OXTR: variants seen among roughly 807,000 people sequenced by gnomAD.
OXTR encodes oxytocin receptor.
In OXTR, 19 loss-of-function variants were observed where a neutral mutation model predicts 23.9. The observed-to-expected ratio is 0.80, with a 90% CI of 0.56 to 1.17. The LOEUF (loss-of-function observed/expected upper bound fraction) is 1.17. Ranked by LOEUF, OXTR falls within the 50% of genes most tolerant of loss-of-function variation. OXTR has a pLI of 0.00. For missense variants in OXTR, 500 were observed against 550.7 expected (o/e 0.91, Z 0.92); for synonymous variants, 278 against 250.5 (o/e 1.11, Z -1.04).
rs35783701 is a variant in OXTR at position 8,752,240 on chromosome 3, CGTGTGTGTGT to C, written c.*727_*736del. 2 of 147,660 alleles carry C rather than the reference CGTGTGTGTGT, an allele frequency of 1.4e-5. No individual in the cohort carries two copies. The highest frequency in any genetic ancestry group is 5.0e-5 in the African/African-American group (2 of 40,338). The allele number at this position is 147,660 out of a possible 1,614,324, so 9.1% of individuals were successfully genotyped here. A position where few individuals can be genotyped will look rare whatever the true frequency, so the allele number is the denominator to read the frequency against. On this transcript the variant is annotated 3_prime_UTR_variant, in exon 4 of 4. Coordinates refer to ENST00000316793, the MANE Select transcript of OXTR (RefSeq NM_000916.4). ...GCTTATTAGTTCTAATAGCTGTGTG[CGTGTGTGTGT>C]GTGTGTGTGTGTGTGAGTTCCTTAG...
At chr3:8,750,322 A>G (rs973449555), downstream of OXTR, 4 of 152,244 alleles carry the variant, frequency 2.6e-5, no homozygotes, top group Admixed American at 6.5e-5. Context: ...TGAGCCACAT[A>G]GAGAAACAAA....
Position 8,767,534 on chromosome 3 carries a change from G to A in OXTR, c.654C>T (p.Ala218=), listed in dbSNP as rs148325772. ...VYIVPVIVLA[A]CYGLISFKIW... The stretch of plus-strand genomic sequence containing the variant: ...TCTTGAAGCTGATAAGGCCGTAGCA[G>A]GCAGCGAGCACGATGACCGGCACGA... Residue 218 remains alanine, a synonymous_variant, in exon 3 of 4, where the codon GCC becomes GCT. Coordinates refer to ENST00000316793, the MANE Select transcript of OXTR (RefSeq NM_000916.4). 2.5e-6 allele frequency: 4 copies of A among 1,613,100 alleles called. No homozygotes were observed. Among genetic ancestry groups the A allele is most frequent in the African/African-American group, 2.7e-5 (2 of 74,912 alleles).
At chr3:8,756,959 C>A (rs1197120372) in intron 3 of OXTR, among the ~76,000 whole-genome samples, 1 of 152,188 alleles carries the variant, frequency 6.6e-6, no homozygotes. Flanking sequence ...TGCTATGCAG[C>A]GAGCACCTTC....
At chr3:8,741,422 G>C in the OXTR span, among the ~76,000 whole-genome samples, 2 of 152,188 alleles carry the variant, frequency 1.3e-5, no homozygotes, top group African/African-American at 4.8e-5. Flanking sequence ...TAAGTAGCAA[G>C]GTAATAGGGG....
Position 8,768,031 on chromosome 3 carries a change from C to A in OXTR, c.157G>T (p.Ala53Ser), listed in dbSNP as rs1426958629. ...AGCACACACGCGTTCCCGCTCAGCG[C>A]CAGGAGCAGGATGAGACACAGCACC... is the stretch of plus-strand genomic sequence containing the variant. ...VAVLCLILLL[A>S]LSGNACVLLA... is the part of the protein sequence containing the mutation. Residue 53 changes from alanine to serine, a missense_variant, in exon 3 of 4, where the codon GCG becomes TCG. Transcript: ENST00000316793. This position sits in a 1 kb window ranked among gnomAD's most constrained non-coding sequence, Gnocchi z 5.4. The A allele has an allele frequency of 6.2e-7, 1 of 1,603,822 alleles. No individual in the cohort carries two copies. The highest frequency in any genetic ancestry group is 2.3e-5 in the East Asian group (1 of 44,172).
chr3:8,752,844 A>T lies in OXTR; in HGVS notation c.*133T>A. The stretch of plus-strand genomic sequence containing the variant: ...TGGAGGCCACTCTCCACCCCACTGA[A>T]GCCACCCCAAGGAGGGGAGGGATAC... On this transcript the variant is annotated 3_prime_UTR_variant, in exon 4 of 4. Transcript: ENST00000316793. The T allele has an allele frequency of 1.0e-6, 1 of 975,252 alleles. No homozygotes were observed. The highest frequency in any genetic ancestry group is 1.5e-6 in the Non-Finnish European group (1 of 679,492). The allele number at this position is 975,252 out of a possible 1,614,324, so 60.4% of individuals were successfully genotyped here.
At chr3:8,755,126 C>G (rs916102470) in intron 3 of OXTR, among the ~76,000 whole-genome samples, 24 of 152,060 alleles carry the variant, frequency 1.6e-4, no homozygotes, top group Admixed American at 1.4e-3. Context: ...AATTCACCCA[C>G]AAGACTAAAA....
At chr3:8,761,239 T>C (rs1463318088) in intron 3 of OXTR, among the ~76,000 whole-genome samples, 1 of 152,136 alleles carries the variant, frequency 6.6e-6, no homozygotes, top group Non-Finnish European at 1.5e-5. Flanking sequence ...GCTGAGATTA[T>C]AGAACTGGTG....
Position 8,750,822 on chromosome 3 carries a change from A to C in OXTR, c.*2155T>G, listed in dbSNP as rs779631217. 1 of 152,244 alleles carries C rather than the reference A, an allele frequency of 6.6e-6. No individual in the cohort carries two copies. The highest frequency in any genetic ancestry group is 2.4e-5 in the African/African-American group (1 of 41,466). 9.4% of individuals were successfully genotyped at this position (152,244 alleles called of 1,614,324 possible). A position where few individuals can be genotyped will look rare whatever the true frequency, so the allele number is the denominator to read the frequency against. On this transcript the variant is annotated 3_prime_UTR_variant, in exon 4 of 4. Coordinates refer to ENST00000316793, the MANE Select transcript of OXTR (RefSeq NM_000916.4). ...GTTGTTTCCACTTTTTGGCTATTAC[A>C]AATAATGTTGCTATGAACATTGGTG...
At chr3:8,745,475 G>A, downstream of OXTR, 1 of 1,449,000 alleles carries the variant, frequency 6.9e-7, no homozygotes, top group South Asian at 1.2e-5. This position sits in a 1 kb window ranked among gnomAD's most constrained non-coding sequence, Gnocchi z 4.8. Context: ...CCAAAAGCTT[G>A]AGAAGCGGGT....
At chr3:8,769,085 T>A (rs923363892) in intron 1 of OXTR, 146 bp downstream of exon 1, 1 of 152,212 alleles carries the variant, frequency 6.6e-6, no homozygotes, top group African/African-American at 2.4e-5. Context: ...TGAGTCTCAA[T>A]CCCGAGAAGT....
rs1414733644 is a variant in OXTR, at chr3:8,751,537, G to A, written c.*1440C>T. The A allele has an allele frequency of 6.6e-6, 1 of 151,802 alleles. No individual in the cohort carries two copies. Among genetic ancestry groups the A allele is most frequent in the African/African-American group, 2.4e-5 (1 of 41,278 alleles). 9.4% of individuals were successfully genotyped at this position (151,802 alleles called of 1,614,324 possible). A position where few individuals can be genotyped will look rare whatever the true frequency, so the allele number is the denominator to read the frequency against. On this transcript the variant is annotated 3_prime_UTR_variant, in exon 4 of 4. Coordinates refer to ENST00000316793, the MANE Select transcript of OXTR (RefSeq NM_000916.4). The stretch of plus-strand genomic sequence containing the variant: ...CAGCTCTTATATTTAGATCTTGGAT[G>A]CGTTTTGAGTTGATTTTTGCACATA...
At chr3:8,754,829 G>C (rs1233863821) in intron 3 of OXTR, among the ~76,000 whole-genome samples, 2 of 152,186 alleles carry the variant, frequency 1.3e-5, no homozygotes, top group African/African-American at 4.8e-5. Context: ...AGAACCACTA[G>C]TCTAATTAAT....
intron 3 of OXTR, among the ~76,000 whole-genome samples, chr3:8,755,001 AAT>A (rs1400617670): frequency 5.3e-5 from 8 of 152,288 alleles, no homozygotes; most frequent in Middle Eastern, 3.4e-3. Flanking sequence ...AATATTACTA[AAT>A]TCACTGGTTT....
chr3:8,761,420 A>T (rs1708483185), intron 3 of OXTR, among the ~76,000 whole-genome samples: 1 of 152,136 alleles, frequency 6.6e-6, no homozygotes, highest in Non-Finnish European at 1.5e-5. Flanking sequence ...CATGGATCTG[A>T]GGCAGGTCCA....
rs1169053952 is a variant in OXTR at position 8,752,934 on chromosome 3, A to ACAGCCTGAGCCTCAGGCTG, written c.*24_*42dup. On this transcript the variant is annotated 3_prime_UTR_variant, in exon 4 of 4. Transcript: ENST00000316793. ...CTAGGAGCAGAGCACTTATGCCAGCACAGCCTGAGCCTCAGGCTGCAGCCC... is the reference window on the plus strand; with the variant it reads ...CTAGGAGCAGAGCACTTATGCCAGCACAGCCTGAGCCTCAGGCTGCAGCCTGAGCCTCAGGCTGCAGCCC... The ACAGCCTGAGCCTCAGGCTG allele has an allele frequency of 6.3e-7, 1 of 1,575,626 alleles. No individual in the cohort carries two copies. The highest frequency in any genetic ancestry group is 1.4e-5 in the African/African-American group (1 of 73,934).
At chr3:8,741,575 C>G in the OXTR span, among the ~76,000 whole-genome samples, 7 of 152,174 alleles carry the variant, frequency 4.6e-5, no homozygotes, top group Non-Finnish European at 1.0e-4. Context: ...AACCTAGGAT[C>G]TCAGAGAGGG....
intron 3 of OXTR, among the ~76,000 whole-genome samples, chr3:8,756,097 C>A (rs968525086): frequency 1.3e-5 from 2 of 152,210 alleles, no homozygotes; most frequent in Non-Finnish European, 2.9e-5. Context: ...GATTCCACTT[C>A]AACCTGCTTT....
the OXTR span, among the ~76,000 whole-genome samples, chr3:8,744,622 G>A: frequency 1.3e-5 from 2 of 152,062 alleles, no homozygotes; most frequent in African/African-American, 4.8e-5. Context: ...CATCACCCAT[G>A]TGTAGGCAGC....
Sources: gnomAD v4.1 joint callset for allele counts (sites outside exome capture counted in the v4.1 genomes callset) on GRCh38, gnomAD v4.1.1 for gene constraint, Gnocchi (gnomAD v3.1) non-coding constraint, MANE v1.5 for transcripts, NCBI Gene and HGNC (gene_info 2026-07-23, HGNC 2026-07-21) for gene names.